The following SCN9A variants were observed in gnomAD, a reference collection of about 807,000 sequenced individuals.
SCN9A encodes sodium voltage-gated channel alpha subunit 9, also known as sodium channel protein type 9 subunit alpha.
A neutral mutation model predicts 187.0 loss-of-function variants in SCN9A; 131 were observed. The observed-to-expected ratio is 0.70, with a 90% confidence interval of 0.61 to 0.81. SCN9A has a LOEUF of 0.81. Ranked by LOEUF, SCN9A falls within the 30% of genes least tolerant of loss-of-function variation. The probability of loss-of-function intolerance (pLI) is 0.00; values close to 1 mark genes in which losing one functional copy is unlikely to be tolerated. For missense variants in SCN9A, 2,252 were observed against 2,396.6 expected (o/e 0.94, Z 1.26); for synonymous variants, 809 against 808.6 (o/e 1.00, Z -0.01).
At chr2:166,284,058 A>G (rs1250796181) in intron 12 of SCN9A, among the ~76,000 whole-genome samples, 3 of 152,228 alleles carry the variant, frequency 2.0e-5, no homozygotes, top group Non-Finnish European at 4.4e-5. Context: ...CTGTGACCTG[A>G]AAAAGATAGC....
At chr2:166,352,360 C>A (rs576676610) in intron 1 of SCN9A, among the ~76,000 whole-genome samples, 1 of 152,102 alleles carries the variant, frequency 6.6e-6, no homozygotes, top group South Asian at 2.1e-4. Flanking sequence ...ACAATGTGAT[C>A]TAAATAACAA....
intron 18 of SCN9A, among the ~76,000 whole-genome samples, chr2:166,250,116 A>G (rs1000488069): frequency 4.6e-5 from 7 of 152,158 alleles, no homozygotes; most frequent in Admixed American, 6.6e-5. Flanking sequence ...GTGTATTTAA[A>G]GAAAATCCAT....
intron 24 of SCN9A, among the ~76,000 whole-genome samples, chr2:166,216,320 A>G (rs1694330064): frequency 6.6e-6 from 1 of 152,102 alleles, no homozygotes; most frequent in African/African-American, 2.4e-5. Flanking sequence ...TAAGATCAGG[A>G]ACAAGACAAG....
intron 13 of SCN9A, among the ~76,000 whole-genome samples, chr2:166,281,157 T>C (rs35825653): frequency 0.061 from 9,244 of 152,114 alleles, 358 homozygotes; most frequent in Middle Eastern, 0.14. Flanking sequence ...ACAATGGGAA[T>C]GTGGGGGGTG....
chr2:166,203,874 G>T, intron 26 of SCN9A, 81 bp downstream of exon 26: 2 of 862,468 alleles, frequency 2.3e-6, no homozygotes, highest in Non-Finnish European at 3.5e-6. Context: ...TTGTGTTCAA[G>T]AATTCAGCAT....
At chr2:166,237,443 T>A (rs1695366446) in intron 20 of SCN9A, among the ~76,000 whole-genome samples, 1 of 152,138 alleles carries the variant, frequency 6.6e-6, no homozygotes. Flanking sequence ...ATTACATTAA[T>A]AATAATGCCT....
intron 5 of SCN9A, 97 bp from the exon 6 acceptor site, chr2:166,304,426 T>C: frequency 1.0e-6 from 1 of 997,844 alleles, no homozygotes; most frequent in Non-Finnish European, 1.5e-6. Context: ...GGGGCTTCTA[T>C]TTTAAATGTA....
At chr2:166,245,233 A>G (rs1695736508) in intron 18 of SCN9A, among the ~76,000 whole-genome samples, 2 of 152,098 alleles carry the variant, frequency 1.3e-5, no homozygotes, top group African/African-American at 4.8e-5. Context: ...AATTTGATAT[A>G]CAGAATGTTC....
intron 1 of SCN9A, among the ~76,000 whole-genome samples, chr2:166,373,797 C>A (rs1700620474): frequency 6.6e-6 from 1 of 151,986 alleles, no homozygotes; most frequent in Non-Finnish European, 1.5e-5. Flanking sequence ...AAGATCATGA[C>A]TTGTCTTAGA....
At chr2:166,304,397 C>T (rs1559028880) in intron 5 of SCN9A, 68 bp from the exon 6 acceptor site, 1 of 1,382,298 alleles carries the variant, frequency 7.2e-7, no homozygotes, top group Admixed American at 1.8e-5. Flanking sequence ...AGCCTTTAGT[C>T]AAGGTATTTT....
At position 166,277,090 on chromosome 2, in the gene SCN9A, C is replaced by G; in HGVS notation, c.2767G>C (p.Val923Leu). Residue 923 changes from valine to leucine, a missense_variant, in exon 16 of 27, where the codon GTG (valine) becomes CTG (leucine). Transcript: ENST00000642356. ...FFHSFLIVFR[V>L]LCGEWIETMW... ...GTCTCTATCCACTCTCCACACAGCA[C>G]GCGGAACACAATCAGGAAGGAGTGG... The G allele has an allele frequency of 6.2e-7, 1 of 1,614,050 alleles. No individual in the cohort carries two copies. Among genetic ancestry groups the G allele is most frequent in the Non-Finnish European group, 8.5e-7 (1 of 1,179,990 alleles).
At chr2:166,235,883 G>A (rs1049364470) in intron 20 of SCN9A, among the ~76,000 whole-genome samples, 1 of 152,004 alleles carries the variant, frequency 6.6e-6, no homozygotes, top group Admixed American at 6.6e-5. Context: ...TATACTCACT[G>A]AGAATCATCA....
intron 2 of SCN9A, among the ~76,000 whole-genome samples, chr2:166,308,650 T>C (rs554499889): frequency 5.9e-5 from 9 of 152,066 alleles, no homozygotes; most frequent in South Asian, 4.2e-4. Context: ...CGGCCGGGCG[T>C]GGTGGCTCAC....
intron 16 of SCN9A, among the ~76,000 whole-genome samples, chr2:166,275,529 A>G (rs919877819): frequency 2.6e-5 from 4 of 151,792 alleles, no homozygotes; most frequent in African/African-American, 7.3e-5. Context: ...GGTTGGGGTG[A>G]GCCGAGATCA....
chr2:166,273,360 G>A (rs533321333), intron 16 of SCN9A, among the ~76,000 whole-genome samples: 10 of 152,118 alleles, frequency 6.6e-5, no homozygotes, highest in African/African-American at 2.4e-4. Context: ...AATGTCACTT[G>A]TTCTAACAAA....
chr2:166,349,142 CAA>C, intron 1 of SCN9A, among the ~76,000 whole-genome samples: 1 of 151,782 alleles, frequency 6.6e-6, no homozygotes, highest in African/African-American at 2.4e-5. Context: ...AACAAACAAA[CAA>C]ACAAACAAAC....
chr2:166,284,329 C>T, intron 12 of SCN9A, 124 bp downstream of exon 12: 1 of 1,132,108 alleles, frequency 8.8e-7, no homozygotes. Flanking sequence ...AGGTGTGTTC[C>T]TATAGAAAAA....
At chr2:166,336,754 T>C (rs1044283408) in intron 1 of SCN9A, among the ~76,000 whole-genome samples, 2 of 152,118 alleles carry the variant, frequency 1.3e-5, no homozygotes, top group African/African-American at 4.8e-5. Context: ...ACTAACTGTT[T>C]TCAGTTGTAA....
At chr2:166,221,194 G>A (rs915019792) in intron 24 of SCN9A, among the ~76,000 whole-genome samples, 21 of 152,120 alleles carry the variant, frequency 1.4e-4, no homozygotes, top group African/African-American at 4.1e-4. Flanking sequence ...CAGTATTCAC[G>A]AATTAAATGA....
Sources: gnomAD v4.1 joint callset for allele counts (sites outside exome capture counted in the v4.1 genomes callset) on GRCh38, gnomAD v4.1.1 for gene constraint, MANE v1.5 for transcripts, NCBI Gene and HGNC (gene_info 2026-07-23, HGNC 2026-07-21) for gene names.